NUTM1: variants seen among roughly 807,000 people sequenced by gnomAD.
NUTM1 encodes NUT midline carcinoma family member 1.
NUTM1 carries 39 observed loss-of-function variants against 88.7 expected under a neutral mutation model. That is an observed-to-expected ratio of 0.44 (90% CI 0.34 to 0.57). The LOEUF (loss-of-function observed/expected upper bound fraction) is 0.57. Ranked by LOEUF, NUTM1 falls within the 20% of genes least tolerant of loss-of-function variation. The pLI is 0.01. For missense variants in NUTM1, 1,350 were observed against 1,414.5 expected (o/e 0.95, Z 0.73); for synonymous variants, 494 against 538.0 (o/e 0.92, Z 1.13).
chr15:34,354,485 C>T lies in NUTM1; in HGVS notation c.1115C>T (p.Pro372Leu). Reference sequence around the variant, plus strand: ...AAGGCAGCCTCCAAGACACGGGCCCCCCGCCGGCGTCAGCGTAAAGCCCAG... The same window carrying T: ...AAGGCAGCCTCCAAGACACGGGCCCTCCGCCGGCGTCAGCGTAAAGCCCAG... ...PKKAASKTRA[P>L]RRRQRKAQRP... is the part of the protein sequence containing the mutation. Residue 372 changes from proline (P) to leucine (L), a missense_variant, in exon 6 of 8, where the codon CCC (proline) becomes CTC (leucine). This residue lies in a region of NUTM1 where 89 missense variants were observed against 76.0 expected (regional missense o/e 1.17). Transcript: ENST00000537011. 6.2e-7 allele frequency: 1 copy of T among 1,614,128 alleles called. No homozygotes were observed.
Position 34,348,077 on chromosome 15 carries a change from C to T in NUTM1, c.209C>T (p.Pro70Leu), listed in dbSNP as rs201326696. The T allele has an allele frequency of 5.0e-6, 8 of 1,614,098 alleles. No homozygotes were observed. Among genetic ancestry groups the T allele is most frequent in the Admixed American group, 1.7e-5 (1 of 60,032 alleles). ...ACTTCTGACCCACCAGACCACCCACCCAGGGAGCCACCTCCACAGCCCATC... is the reference window on the plus strand; with the variant it reads ...ACTTCTGACCCACCAGACCACCCACTCAGGGAGCCACCTCCACAGCCCATC... ...PPTSDPPDHP[P>L]REPPPQPIMP... The change falls in exon 3 of 8, where the codon CCC becomes CTC. Residue 70 changes from proline (P) to leucine (L), a missense_variant. Physicochemically the swap from Pro to Leu is moderately conservative, Grantham distance 98 (BLOSUM62 -3). Coordinates refer to ENST00000537011, the MANE Select transcript of NUTM1 (RefSeq NM_001284292.2).
rs1595605761 is a variant in NUTM1 at position 34,343,375 on chromosome 15, G to C, written c.-322G>C. 1 of 606,062 alleles carries C rather than the reference G, an allele frequency of 1.7e-6. No homozygotes were observed. The highest frequency in any genetic ancestry group is 2.8e-5 in the East Asian group (1 of 35,948). 37.5% of individuals were successfully genotyped at this position (606,062 alleles called of 1,614,324 possible). ...TAGGGATGGATGTGGATAGAATATT[G>C]ACGTATAGAAGCCTGTCTTTGTCTC... On this transcript the variant is annotated 5_prime_UTR_variant, in exon 1 of 8. An upstream open reading frame in the 5' UTR loses its in-frame stop. Coordinates refer to ENST00000537011, the MANE Select transcript of NUTM1 (RefSeq NM_001284292.2).
Position 34,346,778 on chromosome 15 carries a change from G to A in NUTM1, c.100+743G>A, listed in dbSNP as rs575875583. On this transcript the variant is annotated intron_variant, in intron 2 of 7. Transcript: ENST00000537011. Reference sequence around the variant, plus strand: ...CGTGCCTGTAATCCCAGCTACTTGCGGGGCTGAGGCAGGAGAATCACTTGA... The same window carrying A: ...CGTGCCTGTAATCCCAGCTACTTGCAGGGCTGAGGCAGGAGAATCACTTGA... Among the ~76,000 whole-genome samples the A allele has an allele frequency of 3.0e-4, 44 of 146,106 alleles. 2 individuals carry two copies. The South Asian group carries it at 7.9e-3, about 26-fold the overall frequency.
intron 1 of NUTM1, among the ~76,000 whole-genome samples, chr15:34,344,648 G>C (rs1890552475): frequency 6.6e-6 from 1 of 152,168 alleles, no homozygotes; most frequent in Admixed American, 6.5e-5. Flanking sequence ...TAAGGGTTGG[G>C]AGGCAGACTT....
In NUTM1 at chr15:34,351,597, C is replaced by T. The variant is rs559335972; in HGVS notation, c.938+765C>T. Among the ~76,000 whole-genome samples, 12 of 152,092 alleles carry T rather than the reference C, an allele frequency of 7.9e-5. No homozygotes were observed. In the East Asian group the frequency reaches 9.6e-4, roughly 12 times the overall value. On this transcript the variant is annotated intron_variant, in intron 4 of 7. Coordinates refer to ENST00000537011, the MANE Select transcript of NUTM1 (RefSeq NM_001284292.2). ...TAGGATGGGATTGGAGATTGGACCCCGATAGATATAGAAATTTCATGCTGA... is the reference window on the plus strand; with the variant it reads ...TAGGATGGGATTGGAGATTGGACCCTGATAGATATAGAAATTTCATGCTGA...
In NUTM1 at chr15:34,355,945, A is replaced by T. The variant is rs1467748305; in HGVS notation, c.1937A>T (p.Glu646Val). The change falls in exon 8 of 8, where the codon GAG (glutamate) becomes GTG (valine). Residue 646 changes from glutamate to valine, a missense_variant. By Grantham distance (121) the Glu-to-Val change is moderately radical. Around this residue, in one of 5 missense-constraint regions of NUTM1, gnomAD observed 730 missense variants for 728.8 expected, o/e 1.00. Transcript: ENST00000537011. This position sits in a 1 kb window ranked among gnomAD's most constrained non-coding sequence, Gnocchi z 4.3. ...GHCLVADRTSEALPLCWQGGF... is the reference protein window; with the variant it reads ...GHCLVADRTSVALPLCWQGGF... ...TGCCTGGTGGCTGATAGGACTTCAG[A>T]GGCTCTGCCCCTTTGTTGGCAGGGA... is the stretch of plus-strand genomic sequence containing the variant. 1 of 1,614,104 alleles carries T rather than the reference A, an allele frequency of 6.2e-7. No individual in the cohort carries two copies.
At position 34,356,920 on chromosome 15, in the gene NUTM1, C is replaced by G; in HGVS notation, c.2912C>G (p.Pro971Arg). The G allele has an allele frequency of 6.2e-7, 1 of 1,613,634 alleles. No homozygotes were observed. Among genetic ancestry groups the G allele is most frequent in the Non-Finnish European group, 8.5e-7 (1 of 1,179,956 alleles). Reference sequence around the variant, plus strand: ...AGGGTGGATCCTGATCTGTCCAAGCCTAAAAACCTTGCTCCTTTACAAGAG... The same window carrying G: ...AGGGTGGATCCTGATCTGTCCAAGCGTAAAAACCTTGCTCCTTTACAAGAG... ...EGRVDPDLSKPKNLAPLQESQ... is the reference protein window; with the variant it reads ...EGRVDPDLSKRKNLAPLQESQ... Residue 971 changes from proline to arginine, a missense_variant, in exon 8 of 8, where the codon CCT becomes CGT. By Grantham distance (103) the Pro-to-Arg change is moderately radical. Transcript: ENST00000537011.
Position 34,357,698 on chromosome 15 carries a change from T to A in NUTM1, c.*207T>A. ...GGAATTACCTTTGGAAGGAGCTATA[T>A]AGAAAAAAAATGAATAAAGTGTTTT... On this transcript the variant is annotated 3_prime_UTR_variant, in exon 8 of 8. Coordinates refer to ENST00000537011, the MANE Select transcript of NUTM1 (RefSeq NM_001284292.2). The A allele has an allele frequency of 1.1e-6, 1 of 906,024 alleles. No homozygotes were observed. Among genetic ancestry groups the A allele is most frequent in the Non-Finnish European group, 1.7e-6 (1 of 575,476 alleles). 56.1% of individuals were successfully genotyped at this position (906,024 alleles called of 1,614,324 possible). A position where few individuals can be genotyped will look rare whatever the true frequency, so the allele number is the denominator to read the frequency against.
rs554139269 is a variant in NUTM1, at chr15:34,353,475, A to T, written c.939-261A>T. Among the ~76,000 whole-genome samples the T allele has an allele frequency of 1.3e-4, 20 of 152,286 alleles. No individual in the cohort carries two copies. The East Asian group carries it at 3.3e-3, about 25-fold the overall frequency. On this transcript the variant is annotated intron_variant, in intron 4 of 7. Transcript: ENST00000537011. ...CTCCCAAAGTGTTGGGTTTATAGGC[A>T]TGAGCCACCCCACCTGGCCATTCAT...
chr15:34,356,499 T>C lies in NUTM1; in HGVS notation c.2491T>C (p.Cys831Arg). The C allele has an allele frequency of 6.2e-7, 1 of 1,613,966 alleles. No homozygotes were observed. The highest frequency in any genetic ancestry group is 8.5e-7 in the Non-Finnish European group (1 of 1,179,946). ...AAAALEKRNYCSLPGPLRANS... is the reference protein window; with the variant it reads ...AAAALEKRNYRSLPGPLRANS... ...AGCTGCCCTAGAAAAGAGAAACTAT[T>C]GCAGCTTGCCAGGACCTTTGAGGGC... Residue 831 changes from cysteine (C) to arginine (R), a missense_variant, in exon 8 of 8, where the codon TGC becomes CGC. Coordinates refer to ENST00000537011, the MANE Select transcript of NUTM1 (RefSeq NM_001284292.2).
At chr15:34,353,995 A>C (rs1890753762) in intron 5 of NUTM1, 123 bp downstream of exon 5, 1 of 1,133,660 alleles carries the variant, frequency 8.8e-7, no homozygotes, top group South Asian at 1.5e-5. Context: ...GGAGAGTGGC[A>C]TTTGATATTC....
chr15:34,355,065 C>T lies in NUTM1; in HGVS notation c.1407C>T (p.Ser469=), dbSNP rs774948633. 2.0e-5 allele frequency: 33 copies of T among 1,613,928 alleles called. No individual in the cohort carries two copies. Among genetic ancestry groups the T allele is most frequent in the Middle Eastern group, 3.3e-4 (2 of 6,060 alleles). Reference sequence around the variant, plus strand: ...CTCAATTTCTGGCAGATCTGCTGTCCCCAGAAAAACAGAGAGATCCCTTGG... The same window carrying T: ...CTCAATTTCTGGCAGATCTGCTGTCTCCAGAAAAACAGAGAGATCCCTTGG... ...IHPQFLADLL[S]PEKQRDPLAL... The change falls in exon 7 of 8, where the codon TCC becomes TCT. Residue 469 remains serine, a synonymous_variant. Transcript: ENST00000537011. This position sits in a 1 kb window ranked among gnomAD's most constrained non-coding sequence, Gnocchi z 4.3.
rs140018699 is a variant in NUTM1, at chr15:34,356,235, G to A, written c.2227G>A (p.Asp743Asn). The change falls in exon 8 of 8, where the codon GAT becomes AAT. Residue 743 changes from aspartate (D) to asparagine (N), a missense_variant. Transcript: ENST00000537011. ...PSPRAAGERD[D>N]VCLSPGVWLS... The stretch of plus-strand genomic sequence containing the variant: ...CCCTAGAGCAGCTGGGGAGAGGGAC[G>A]ATGTCTGTCTCAGCCCAGGAGTTTG... 16 of 1,606,716 alleles carry A rather than the reference G, an allele frequency of 1.0e-5. No homozygotes were observed. The highest frequency in any genetic ancestry group is 8.8e-5 in the South Asian group (8 of 90,514).
chr15:34,343,793 C>A, intron 1 of NUTM1, 91 bp downstream of exon 1: 10 of 1,151,750 alleles, frequency 8.7e-6, no homozygotes, highest in Middle Eastern at 2.4e-4. Context: ...ATAAGACTCT[C>A]GTTTAAAGAA....
Position 34,357,510 on chromosome 15 carries a change from G to T in NUTM1, c.*19G>T. Reference sequence around the variant, plus strand: ...CCAGTAGGGAGCAGCGGGACCATCTGACCCCACTTGCCAGTCCCTAAAGGT... The same window carrying T: ...CCAGTAGGGAGCAGCGGGACCATCTTACCCCACTTGCCAGTCCCTAAAGGT... On this transcript the variant is annotated 3_prime_UTR_variant, in exon 8 of 8. Coordinates refer to ENST00000537011, the MANE Select transcript of NUTM1 (RefSeq NM_001284292.2). The T allele has an allele frequency of 6.2e-7, 1 of 1,612,356 alleles. No homozygotes were observed. Among genetic ancestry groups the T allele is most frequent in the South Asian group, 1.1e-5 (1 of 90,852 alleles).
In NUTM1 at chr15:34,343,518, T is replaced by C; in HGVS notation, c.-179T>C. ...GAAGAGGTTTTCTTCCCTCCCCTCT[T>C]TTACATCCAGTTCCCCTGCTCCATT... On this transcript the variant is annotated 5_prime_UTR_variant, in exon 1 of 8. Coordinates refer to ENST00000537011, the MANE Select transcript of NUTM1 (RefSeq NM_001284292.2). The C allele has an allele frequency of 7.0e-7, 1 of 1,430,892 alleles. No individual in the cohort carries two copies. The highest frequency in any genetic ancestry group is 1.4e-5 in the African/African-American group (1 of 70,566). The allele number at this position is 1,430,892 out of a possible 1,614,324, so 88.6% of individuals were successfully genotyped here.
At chr15:34,346,417 C>G (rs1014130544) in intron 2 of NUTM1, among the ~76,000 whole-genome samples, 1 of 151,158 alleles carries the variant, frequency 6.6e-6, no homozygotes, top group African/African-American at 2.4e-5. Flanking sequence ...TTTTAGGCAA[C>G]TGGAGCCTGT....
At position 34,356,710 on chromosome 15, in the gene NUTM1, A is replaced by G; in HGVS notation, c.2702A>G (p.Asp901Gly). 3 of 1,613,462 alleles carry G rather than the reference A, an allele frequency of 1.9e-6. No individual in the cohort carries two copies. Among genetic ancestry groups the G allele is most frequent in the Non-Finnish European group, 2.5e-6 (3 of 1,179,904 alleles). Reference protein sequence around the residue: ...QGNLLIMGTEDASSLPEASQE... With the variant: ...QGNLLIMGTEGASSLPEASQE... The stretch of plus-strand genomic sequence containing the variant: ...AATCTCCTTATCATGGGGACTGAGG[A>G]TGCCTCCTCCTTGCCTGAAGCCAGT... The change falls in exon 8 of 8, where the codon GAT becomes GGT. Residue 901 changes from aspartate to glycine, a missense_variant. Physicochemically the swap from Asp to Gly is moderately conservative, Grantham distance 94. Transcript: ENST00000537011.
Position 34,348,008 on chromosome 15 carries a change from G to C in NUTM1, c.140G>C (p.Ser47Thr), listed in dbSNP as rs774830401. The change falls in exon 3 of 8, where the codon AGT (serine) becomes ACT (threonine). Residue 47 changes from serine to threonine, a missense_variant. By Grantham distance (58) the Ser-to-Thr change is moderately conservative. Around this residue, in one of 5 missense-constraint regions of NUTM1, gnomAD observed 399 missense variants for 397.9 expected, o/e 1.00. Transcript: ENST00000537011. Reference sequence around the variant, plus strand: ...GGACCGGATATGAGCATGAAACCTAGTGCCGCCCCGTCTCCATCCCCTGCA... The same window carrying C: ...GGACCGGATATGAGCATGAAACCTACTGCCGCCCCGTCTCCATCCCCTGCA... ...LPGPDMSMKP[S>T]AAPSPSPALP... 24 of 1,613,190 alleles carry C rather than the reference G, an allele frequency of 1.5e-5. No homozygotes were observed. In the South Asian group the frequency reaches 2.4e-4, roughly 16 times the overall value.
Sources: gnomAD v4.1 joint callset for allele counts (sites outside exome capture counted in the v4.1 genomes callset) on GRCh38, gnomAD v4.1.1 for gene constraint, gnomAD v4.1.1 regional missense constraint, Gnocchi (gnomAD v3.1) non-coding constraint, MANE v1.5 for transcripts, NCBI Gene and HGNC (gene_info 2026-07-23, HGNC 2026-07-21) for gene names.